DDX60: variants seen among roughly 807,000 people sequenced by gnomAD.
The protein encoded by DDX60 is probable ATP-dependent RNA helicase DDX60.
Under a neutral mutation model 212.8 loss-of-function variants are expected in DDX60, and 165 were observed. That is an observed-to-expected ratio of 0.78 (90% CI 0.68 to 0.88). DDX60 has a LOEUF of 0.88. Ranked by LOEUF, DDX60 falls within the 40% of genes least tolerant of loss-of-function variation. The probability of loss-of-function intolerance (pLI) is 0.00; values close to 1 mark genes in which losing one functional copy is unlikely to be tolerated. For missense variants in DDX60, 1,905 were observed against 2,003.9 expected, an observed-to-expected ratio of 0.95 and a Z score of 0.94; for synonymous variants, 703 against 685.3, an observed-to-expected ratio of 1.03 and a Z score of -0.40.
At chr4:168,274,751 C>G (rs1735257330) in intron 16 of DDX60, among the ~76,000 whole-genome samples, 1 of 135,690 alleles carries the variant, frequency 7.4e-6, no homozygotes, top group South Asian at 2.4e-4. Context: ...TTTTAACCTA[C>G]CCCACCATCA....
intron 37 of DDX60, 33 bp from the exon 38 acceptor site, chr4:168,217,065 TTAG>T: frequency 7.2e-7 from 1 of 1,386,502 alleles, no homozygotes; most frequent in Non-Finnish European, 1.0e-6. Context: ...AGGATCCACT[TTAG>T]TGAGATTGAA....
chr4:168,246,649 C>G (rs1327913550), intron 29 of DDX60, 31 bp from the exon 30 acceptor site: 1 of 1,610,094 alleles, frequency 6.2e-7, no homozygotes, highest in East Asian at 2.2e-5. Context: ...CAATGTAAAA[C>G]TTCCCTAAAT....
chr4:168,316,967 A>G (rs1053627736), intron 1 of DDX60, among the ~76,000 whole-genome samples: 2 of 151,392 alleles, frequency 1.3e-5, no homozygotes, highest in Non-Finnish European at 1.5e-5. Flanking sequence ...CTGAGGTAGA[A>G]GAATCGCTTG....
chr4:168,261,881 C>A, intron 24 of DDX60, 119 bp downstream of exon 24: 1 of 1,207,864 alleles, frequency 8.3e-7, no homozygotes. Flanking sequence ...TCAAGTTCAA[C>A]TTAAATTTCT....
At chr4:168,237,197 A>T in intron 32 of DDX60, 89 bp downstream of exon 32, 1 of 932,896 alleles carries the variant, frequency 1.1e-6, no homozygotes, top group Non-Finnish European at 1.4e-6. Context: ...TTTCTTTATT[A>T]AAAATATTCC....
intron 18 of DDX60, 76 bp downstream of exon 18, chr4:168,273,200 ATGT>A (rs1735177306): frequency 7.5e-7 from 1 of 1,335,390 alleles, no homozygotes; most frequent in African/African-American, 1.5e-5. Context: ...CCTTGTGAAG[ATGT>A]TGAATTTCTA....
upstream of DDX60, among the ~76,000 whole-genome samples, chr4:168,320,886 C>G (rs1265550686): frequency 2.0e-5 from 3 of 152,120 alleles, no homozygotes; most frequent in Non-Finnish European, 4.4e-5. Flanking sequence ...GTGGTCTAAC[C>G]CAATGGCCTA....
chr4:168,291,478 C>T (rs531512), intron 8 of DDX60, among the ~76,000 whole-genome samples: 69,291 of 152,026 alleles, frequency 0.46, 17,475 homozygotes, highest in African/African-American at 0.7. Context: ...CCATCAACTA[C>T]AGTTGATAAC....
intron 33 of DDX60, among the ~76,000 whole-genome samples, chr4:168,230,411 A>G (rs577596876): frequency 1.3e-3 from 198 of 152,300 alleles, no homozygotes; most frequent in South Asian, 2.5e-3. Flanking sequence ...TGAAGAATAT[A>G]CATTCTATTC....
chr4:168,315,730 T>C (rs1442115835), intron 1 of DDX60, among the ~76,000 whole-genome samples: 17 of 152,240 alleles, frequency 1.1e-4, no homozygotes, highest in Admixed American at 1.1e-3. Context: ...TCCAGCTTTA[T>C]TCATGTCCCT....
At chr4:168,303,025 G>A (rs988915583) in intron 5 of DDX60, among the ~76,000 whole-genome samples, 12 of 151,882 alleles carry the variant, frequency 7.9e-5, no homozygotes, top group African/African-American at 2.7e-4. Context: ...TTATTCAGCC[G>A]GGCTCGGTGG....
At chr4:168,229,705 T>C (rs1733379232) in intron 33 of DDX60, among the ~76,000 whole-genome samples, 1 of 151,994 alleles carries the variant, frequency 6.6e-6, no homozygotes, top group Non-Finnish European at 1.5e-5. Context: ...CAAGAACTGC[T>C]GAAAGGAGCT....
At chr4:168,244,051 C>G (rs1312572571) in intron 30 of DDX60, among the ~76,000 whole-genome samples, 1 of 152,112 alleles carries the variant, frequency 6.6e-6, no homozygotes, top group Non-Finnish European at 1.5e-5. Context: ...GGGAGGTGAA[C>G]TATGAGAACA....
At position 168,267,586 on chromosome 4, in the gene DDX60, T is replaced by C. The variant is rs375692575; in HGVS notation, c.3035A>G (p.Asp1012Gly). 5 of 1,529,938 alleles carry C rather than the reference T, an allele frequency of 3.3e-6. No homozygotes were observed. In the Admixed American group the frequency reaches 9.3e-5, roughly 29 times the overall value. The allele number at this position is 1,529,938 out of a possible 1,614,324, so 94.8% of individuals were successfully genotyped here. A position where few individuals can be genotyped will look rare whatever the true frequency, so the allele number is the denominator to read the frequency against. ...HFHPCAALTT[D>G]HIERYGFPPD... is the part of the protein sequence containing the mutation. The stretch of plus-strand genomic sequence containing the variant: ...TATGGCTAAAATATTACCTACATGA[T>C]CTGTTGTTAGTGCAGCACATGGGTG... Residue 1012 changes from aspartate to glycine, a missense_variant, in exon 22 of 38, where the codon GAT becomes GGT. Coordinates refer to ENST00000393743, the MANE Select transcript of DDX60 (RefSeq NM_017631.6).
chr4:168,234,192 T>C (rs527660), intron 33 of DDX60, among the ~76,000 whole-genome samples: 3 of 152,142 alleles, frequency 2.0e-5, no homozygotes, highest in Admixed American at 6.6e-5. Flanking sequence ...AATGTTTTTC[T>C]ACATTTATCC....
intron 34 of DDX60, among the ~76,000 whole-genome samples, chr4:168,224,764 T>C (rs1222448059): frequency 6.6e-6 from 1 of 151,998 alleles, no homozygotes; most frequent in Non-Finnish European, 1.5e-5. Flanking sequence ...CAGCCTCAAT[T>C]AGTAAGTTTG....
chr4:168,299,099 T>C (rs597190), intron 6 of DDX60, among the ~76,000 whole-genome samples: 4,619 of 134,212 alleles, frequency 0.034, 163 homozygotes, highest in African/African-American at 0.094. Flanking sequence ...AGGTGGAGGA[T>C]GCAGTGAACC....
intron 8 of DDX60, among the ~76,000 whole-genome samples, chr4:168,291,427 T>C (rs1278427529): frequency 6.6e-6 from 1 of 152,230 alleles, no homozygotes; most frequent in Non-Finnish European, 1.5e-5. Flanking sequence ...CAAAACTGAT[T>C]TCTTCAGTTC....
At chr4:168,314,363 T>G (rs1259759056) in intron 1 of DDX60, among the ~76,000 whole-genome samples, 1 of 151,608 alleles carries the variant, frequency 6.6e-6, no homozygotes, top group Non-Finnish European at 1.5e-5. Context: ...CAATAGACAT[T>G]TGAGGCACAC....
Sources: gnomAD v4.1 joint callset for allele counts (sites outside exome capture counted in the v4.1 genomes callset) on GRCh38, gnomAD v4.1.1 for gene constraint, MANE v1.5 for transcripts, NCBI Gene and HGNC (gene_info 2026-07-23, HGNC 2026-07-21) for gene names.